The following MAJIN variants were observed in gnomAD, a reference collection of about 807,000 sequenced individuals.
MAJIN encodes the protein membrane anchored junction protein.
In MAJIN, 27 loss-of-function variants were observed where a neutral mutation model predicts 30.2. That is an observed-to-expected ratio of 0.89 (90% CI 0.66 to 1.23). MAJIN has a LOEUF of 1.23. Ranked by LOEUF, MAJIN falls within the 50% of genes most tolerant of loss-of-function variation. MAJIN has a pLI of 0.00. For synonymous variants in MAJIN, 78 were observed against 91.6 expected (o/e 0.85, Z 0.85); for missense variants, 253 against 260.3 (o/e 0.97, Z 0.19).
At chr11:64,964,355 T>C (rs1192092808) in intron 1 of MAJIN, among the ~76,000 whole-genome samples, 1 of 152,210 alleles carries the variant, frequency 6.6e-6, no homozygotes, top group African/African-American at 2.4e-5. Flanking sequence ...TAGCTGGAGA[T>C]GCCTTCCATT....
chr11:64,948,003 G>T (rs1467140019), intron 6 of MAJIN, among the ~76,000 whole-genome samples, 184 bp from the exon 7 acceptor site: 3 of 151,850 alleles, frequency 2.0e-5, no homozygotes, highest in Non-Finnish European at 4.4e-5. Context: ...GGGACTACAG[G>T]CACATGCCAC....
chr11:64,940,574 C>T lies in MAJIN; in HGVS notation c.546G>A (p.Lys182=), dbSNP rs771350941. 1.2e-6 allele frequency: 2 copies of T among 1,613,062 alleles called. No homozygotes were observed. The highest frequency in any genetic ancestry group is 4.5e-5 in the East Asian group (2 of 44,866). ...TAAATGGAAATTTCCCAGGACCTACCTTGTTTCTGGACATCAGTGATATCA... is the reference window on the plus strand; with the variant it reads ...TAAATGGAAATTTCCCAGGACCTACTTTGTTTCTGGACATCAGTGATATCA... The part of the protein sequence containing the change: ...WPLISLMSRN[K]ILSGDTACQG... The change falls in exon 9 of 11, where the codon AAG becomes AAA. Residue 182 remains lysine (K), a splice_region_variant and synonymous_variant. Coordinates refer to ENST00000301896, the MANE Select transcript of MAJIN (RefSeq NM_001037225.3).
intron 1 of MAJIN, among the ~76,000 whole-genome samples, chr11:64,967,625 T>C (rs1405400024): frequency 6.6e-6 from 1 of 151,912 alleles, no homozygotes. Flanking sequence ...AGAAAAAGCA[T>C]GGCACTTTCA....
At chr11:64,943,901 C>A (rs967169252) in intron 8 of MAJIN, among the ~76,000 whole-genome samples, 2 of 152,104 alleles carry the variant, frequency 1.3e-5, no homozygotes, top group African/African-American at 4.8e-5. Context: ...TTTCTTACCC[C>A]CTAAAGGATG....
intron 1 of MAJIN, among the ~76,000 whole-genome samples, chr11:64,971,053 G>T (rs1201805979): frequency 6.6e-6 from 1 of 152,132 alleles, no homozygotes; most frequent in East Asian, 1.9e-4. Flanking sequence ...CCAGCACTTT[G>T]GGATGCCGAG....
At chr11:64,939,852 G>T (rs890705002) in intron 9 of MAJIN, 85 bp from the exon 10 acceptor site, 2 of 1,187,940 alleles carry the variant, frequency 1.7e-6, no homozygotes, top group Non-Finnish European at 2.4e-6. Flanking sequence ...CCCAGTATGA[G>T]CCAGAGGCAG....
chr11:64,969,307 T>C (rs1256991889), intron 1 of MAJIN, among the ~76,000 whole-genome samples: 1 of 152,124 alleles, frequency 6.6e-6, no homozygotes, highest in Non-Finnish European at 1.5e-5. Flanking sequence ...GAGTCACCAG[T>C]GTTTAGATGG....
chr11:64,971,088 A>T (rs942098436), intron 1 of MAJIN, among the ~76,000 whole-genome samples: 21 of 152,214 alleles, frequency 1.4e-4, no homozygotes, highest in Middle Eastern at 3.4e-3. Flanking sequence ...TGAAATCAGG[A>T]GTTCGAGATC....
chr11:64,958,191 C>G (rs1041971130), intron 3 of MAJIN, among the ~76,000 whole-genome samples: 1 of 151,232 alleles, frequency 6.6e-6, no homozygotes. Flanking sequence ...TTCACCCCCC[C>G]GCCCCACCTC....
intron 9 of MAJIN, 45 bp downstream of exon 9, chr11:64,940,529 G>A: frequency 1.3e-6 from 2 of 1,565,688 alleles, no homozygotes; most frequent in Non-Finnish European, 1.8e-6. Flanking sequence ...ACAAGGGAAA[G>A]GGTGATTATT....
chr11:64,969,327 C>T (rs2136837812), intron 1 of MAJIN, among the ~76,000 whole-genome samples: 1 of 152,130 alleles, frequency 6.6e-6, no homozygotes, highest in South Asian at 2.1e-4. Flanking sequence ...GTATGTGAAA[C>T]TACTGGAATA....
rs1177244299 is a variant in MAJIN at position 64,959,307 on chromosome 11, G to A, written c.99C>T (p.Ile33=). 4 of 1,610,410 alleles carry A rather than the reference G, an allele frequency of 2.5e-6. No individual in the cohort carries two copies. Among genetic ancestry groups the A allele is most frequent in the Non-Finnish European group, 2.5e-6 (3 of 1,176,734 alleles). ...YKFKIRYGKS[I]RGEEIENKEV... is the part of the protein sequence containing the mutation. ...TACCCTCCTACCTTTGAAATTACCT[G>A]ATACTCTTCCCATATCTGATTTTGA... Residue 33 remains isoleucine (I), a splice_region_variant and synonymous_variant, in exon 3 of 11, where the codon ATC becomes ATT. Coordinates refer to ENST00000301896, the MANE Select transcript of MAJIN (RefSeq NM_001037225.3).
chr11:64,971,468 G>A (rs2136848587), intron 1 of MAJIN, among the ~76,000 whole-genome samples: 1 of 151,550 alleles, frequency 6.6e-6, no homozygotes, highest in South Asian at 2.1e-4. Context: ...AGTTGCGGGG[G>A]GGCGGGGAAG....
intron 1 of MAJIN, among the ~76,000 whole-genome samples, chr11:64,970,528 G>A (rs1441223020): frequency 2.0e-5 from 3 of 150,792 alleles, no homozygotes; most frequent in African/African-American, 4.9e-5. Context: ...CACCACACCC[G>A]GCTGATCTTT....
chr11:64,971,713 T>C (rs1373548035), intron 1 of MAJIN, among the ~76,000 whole-genome samples, 164 bp downstream of exon 1: 2 of 152,034 alleles, frequency 1.3e-5, no homozygotes, highest in Admixed American at 6.6e-5. Flanking sequence ...CTGGGCGAGC[T>C]TGCTGGGTGT....
chr11:64,947,126 G>A (rs925225528), intron 8 of MAJIN, among the ~76,000 whole-genome samples: 19 of 152,068 alleles, frequency 1.2e-4, no homozygotes, highest in Admixed American at 7.9e-4. Context: ...TGTTTAGATC[G>A]GACTGTATTT....
intron 6 of MAJIN, 92 bp downstream of exon 6, chr11:64,949,651 G>C (rs1565128491): frequency 2.0e-6 from 3 of 1,498,254 alleles, no homozygotes; most frequent in South Asian, 2.4e-5. Flanking sequence ...TGTATGGCTG[G>C]AGCCTAATCT....
chr11:64,956,601 A>G (rs1401637516), intron 3 of MAJIN, among the ~76,000 whole-genome samples: 1 of 152,076 alleles, frequency 6.6e-6, no homozygotes, highest in Non-Finnish European at 1.5e-5. Flanking sequence ...ATAATTTCAG[A>G]TTCCACATTG....
At position 64,950,396 on chromosome 11, in the gene MAJIN, T is replaced by C; in HGVS notation, c.182A>G (p.Asn61Ser). Residue 61 changes from asparagine (N) to serine (S), a missense_variant, in exon 5 of 11, where the codon AAT becomes AGT. Transcript: ENST00000301896. ...GTGTTCTGTAGCAAAGGGCTGAAGA[T>C]TGTCCAAGTTTCCCAAGACCACGCG... ...SVRVVLGNLD[N>S]LQPFATEHFI... 1 of 1,612,426 alleles carries C rather than the reference T, an allele frequency of 6.2e-7. No individual in the cohort carries two copies. The highest frequency in any genetic ancestry group is 1.3e-5 in the African/African-American group (1 of 74,658).
Sources: allele counts gnomAD v4.1 joint callset (sites outside exome capture counted in the v4.1 genomes callset), GRCh38; gene constraint gnomAD v4.1.1; transcripts MANE v1.5; gene names NCBI Gene and HGNC (gene_info 2026-07-23, HGNC 2026-07-21).